TENM3: variants seen among roughly 807,000 people sequenced by gnomAD.
TENM3 encodes teneurin transmembrane protein 3.
TENM3 carries 63 observed loss-of-function variants against 255.1 expected under a neutral mutation model. That is an observed-to-expected ratio of 0.25 (90% CI 0.20 to 0.30). The LOEUF (loss-of-function observed/expected upper bound fraction) is 0.30, where lower values mean the gene tolerates loss of function less well. Ranked by LOEUF, TENM3 falls within the 10% of genes least tolerant of loss-of-function variation. TENM3 has a pLI of 1.00. For missense variants in TENM3, 2,929 were observed against 3,461.1 expected, an observed-to-expected ratio of 0.85 and a Z score of 3.86; for synonymous variants, 1,306 against 1,322.3, an observed-to-expected ratio of 0.99 and a Z score of 0.27.
intron 6 of TENM3, among the ~76,000 whole-genome samples, chr4:182,655,577 C>T (rs1377484199): frequency 2.0e-5 from 3 of 152,142 alleles, no homozygotes; most frequent in African/African-American, 4.8e-5. Context: ...CTCGCTCTTT[C>T]GCCTGTTTAC....
chr4:181,478,461 G>A, the TENM3 span, among the ~76,000 whole-genome samples: 8 of 152,186 alleles, frequency 5.3e-5, no homozygotes, highest in Non-Finnish European at 8.8e-5. Context: ...AACATGCCGT[G>A]TTGGCCAACA....
the TENM3 span, among the ~76,000 whole-genome samples, chr4:181,542,636 T>A: frequency 1.1e-4 from 16 of 152,282 alleles, no homozygotes; most frequent in Admixed American, 1.0e-3. Flanking sequence ...GAATGAAGGA[T>A]AACTTCTAGG....
At chr4:181,896,789 C>T in the TENM3 span, among the ~76,000 whole-genome samples, 2 of 152,300 alleles carry the variant, frequency 1.3e-5, no homozygotes, top group South Asian at 2.1e-4. Flanking sequence ...CTCGGCCAGC[C>T]TCTGCCCAGA....
chr4:181,717,387 C>G, the TENM3 span, among the ~76,000 whole-genome samples: 1 of 152,176 alleles, frequency 6.6e-6, no homozygotes, highest in Non-Finnish European at 1.5e-5. Flanking sequence ...TTCTTTTATT[C>G]TATACATAAC....
chr4:181,531,341 C>G, the TENM3 span, among the ~76,000 whole-genome samples: 1 of 152,178 alleles, frequency 6.6e-6, no homozygotes, highest in Non-Finnish European at 1.5e-5. Context: ...CAGATAAAAT[C>G]TCTGTCTTCC....
At chr4:182,308,325 T>A (rs1177275676) in intron 1 of TENM3, among the ~76,000 whole-genome samples, 1 of 152,054 alleles carries the variant, frequency 6.6e-6, no homozygotes, top group Admixed American at 6.5e-5. Flanking sequence ...TATTTGGTTT[T>A]TTTTTTTATG....
chr4:182,689,470 C>T (rs1294989627), intron 12 of TENM3, among the ~76,000 whole-genome samples: 1 of 152,160 alleles, frequency 6.6e-6, no homozygotes, highest in Non-Finnish European at 1.5e-5. Context: ...TACTGACATC[C>T]TTGACATCTG....
chr4:181,592,662 C>CTTTTTTTTT, the TENM3 span, among the ~76,000 whole-genome samples: 1 of 130,056 alleles, frequency 7.7e-6, no homozygotes, highest in Non-Finnish European at 1.6e-5. Flanking sequence ...GAAAATCTCT[C>CTTTTTTTTT]TTTTTTTTTT....
chr4:181,448,046 A>G, the TENM3 span, among the ~76,000 whole-genome samples: 1 of 151,564 alleles, frequency 6.6e-6, no homozygotes, highest in East Asian at 2.0e-4. Context: ...AAAGAGAGAG[A>G]GAAGGTGATT....
intron 16 of TENM3, among the ~76,000 whole-genome samples, chr4:182,731,962 T>C (rs1013390897): frequency 1.3e-5 from 2 of 151,948 alleles, no homozygotes; most frequent in Admixed American, 6.6e-5. Context: ...TTTGTATTTT[T>C]AGTAGAGGCA....
chr4:182,329,988 AAAAT>A (rs1261705328), intron 2 of TENM3, among the ~76,000 whole-genome samples: 5 of 152,152 alleles, frequency 3.3e-5, no homozygotes, highest in Non-Finnish European at 1.5e-5. Flanking sequence ...TTACTTACTA[AAAAT>A]AAATAACACC....
chr4:182,490,268 G>C (rs1012461398), intron 3 of TENM3, among the ~76,000 whole-genome samples: 1 of 152,162 alleles, frequency 6.6e-6, no homozygotes, highest in African/African-American at 2.4e-5. Flanking sequence ...ATAAATAAGA[G>C]TGTTTCTCAA....
At chr4:182,576,157 C>G (rs1303885916) in intron 3 of TENM3, among the ~76,000 whole-genome samples, 1 of 152,110 alleles carries the variant, frequency 6.6e-6, no homozygotes, top group Non-Finnish European at 1.5e-5. Context: ...ACATCATGAG[C>G]AGTTTGAAGA....
the TENM3 span, among the ~76,000 whole-genome samples, chr4:181,699,441 G>A: frequency 2.8e-4 from 1 of 3,512 alleles, no homozygotes; most frequent in African/African-American, 7.2e-4. Flanking sequence ...AGACCCTGTC[G>A]CAAAAAAAAA....
chr4:182,320,326 G>A (rs2726784), intron 1 of TENM3, among the ~76,000 whole-genome samples: 25,398 of 152,196 alleles, frequency 0.17, 2,355 homozygotes, highest in Middle Eastern at 0.24. Flanking sequence ...GGTAAAAAGT[G>A]TGAGGTCAAG....
At chr4:181,526,900 G>A in the TENM3 span, among the ~76,000 whole-genome samples, 9 of 152,272 alleles carry the variant, frequency 5.9e-5, no homozygotes, top group Admixed American at 5.9e-4. Flanking sequence ...CTTTCGAGTA[G>A]TAGTAAAAAC....
the TENM3 span, among the ~76,000 whole-genome samples, chr4:181,736,745 G>C: frequency 6.6e-6 from 1 of 151,964 alleles, no homozygotes. Context: ...GAGCCTCCCT[G>C]ATTCCCTGTG....
At chr4:182,007,609 A>G in the TENM3 span, among the ~76,000 whole-genome samples, 1 of 151,978 alleles carries the variant, frequency 6.6e-6, no homozygotes, top group Non-Finnish European at 1.5e-5. Flanking sequence ...TGTTGAGCCT[A>G]TGTGTGTCTT....
At chr4:182,491,313 AATGT>A (rs1735274200) in intron 3 of TENM3, among the ~76,000 whole-genome samples, 1 of 152,064 alleles carries the variant, frequency 6.6e-6, no homozygotes, top group South Asian at 2.1e-4. Flanking sequence ...AAATTTCCCT[AATGT>A]ATGTCACTGA....
Sources: gnomAD v4.1 joint callset for allele counts (sites outside exome capture counted in the v4.1 genomes callset) on GRCh38, gnomAD v4.1.1 for gene constraint, MANE v1.5 for transcripts, NCBI Gene and HGNC (gene_info 2026-07-23, HGNC 2026-07-21) for gene names.